NSD2: variants seen among roughly 807,000 people sequenced by gnomAD.
NSD2 encodes nuclear receptor binding SET domain protein 2.
Under a neutral mutation model 139.0 loss-of-function variants are expected in NSD2, and 12 were observed. The ratio of observed to expected loss-of-function variants is 0.09; its 90% CI spans 0.06 to 0.14. The LOEUF (loss-of-function observed/expected upper bound fraction) is 0.14, where lower values mean the gene tolerates loss of function less well. Among genes scored for constraint, NSD2 ranks in the 10% least tolerant of loss-of-function variants. The pLI, the probability that NSD2 is intolerant of heterozygous loss-of-function variation, is 1.00. For synonymous variants in NSD2, 669 were observed against 648.7 expected (o/e 1.03, Z -0.48); for missense variants, 1,155 against 1,745.0 (o/e 0.66, Z 6.02).
chr4:1,900,592 TTTTC>T (rs538588475), intron 1 of NSD2, 30 bp from the exon 2 acceptor site: 3 of 1,422,198 alleles, frequency 2.1e-6, no homozygotes, highest in Non-Finnish European at 2.8e-6. Flanking sequence ...TGTAATTGCT[TTTTC>T]TTTCTTTTTT....
rs1363225185 is a variant in NSD2, at chr4:1,951,932, T to A, written c.2014-176T>A. On this transcript the variant is annotated intron_variant, in intron 10 of 21. Coordinates refer to ENST00000508803, the MANE Select transcript of NSD2 (RefSeq NM_001042424.3). ...AACAGTCATCTGGTTTTAATCTGAT[T>A]CTGTATTTGTACGTTCTGTTTGGGC... The A allele has an allele frequency of 3.0e-6, 3 of 985,092 alleles. No individual in the cohort carries two copies. The African/African-American group carries it at 4.9e-5, about 16-fold the overall frequency. 61.0% of individuals were successfully genotyped at this position (985,092 alleles called of 1,614,324 possible). A position where few individuals can be genotyped will look rare whatever the true frequency, so the allele number is the denominator to read the frequency against.
chr4:1,872,631 A>AGAGAGAGAGC (rs984225040), intron 1 of NSD2, among the ~76,000 whole-genome samples: 6 of 133,312 alleles, frequency 4.5e-5, no homozygotes, highest in Non-Finnish European at 6.6e-5. Flanking sequence ...AGAGAGAGAG[A>AGAGAGAGAGC]GAGAGCGCGC....
intron 1 of NSD2, chr4:1,892,109 T>G (rs1338642131): frequency 6.6e-6 from 1 of 152,180 alleles, no homozygotes; most frequent in Non-Finnish European, 1.5e-5. Context: ...GCTGGAGAAC[T>G]TGGGTGGGAC....
intron 3 of NSD2, among the ~76,000 whole-genome samples, chr4:1,909,059 G>C (rs1161973722): frequency 6.6e-6 from 1 of 151,486 alleles, no homozygotes; most frequent in African/African-American, 2.4e-5. Flanking sequence ...ATGAAAATGA[G>C]CTCCTCCCTA....
At chr4:1,970,693 C>G (rs1234269855) in intron 18 of NSD2, among the ~76,000 whole-genome samples, 1 of 152,166 alleles carries the variant, frequency 6.6e-6, no homozygotes, top group Non-Finnish European at 1.5e-5. Context: ...GAAGATAATG[C>G]TACTGATGAG....
chr4:1,926,051 C>G (rs982013339), intron 5 of NSD2, among the ~76,000 whole-genome samples: 3 of 152,072 alleles, frequency 2.0e-5, no homozygotes, highest in Admixed American at 2.0e-4. Flanking sequence ...GATCCTCCTA[C>G]CTCAGCCTCC....
chr4:1,941,184 A>G, intron 9 of NSD2: 1 of 1,054,658 alleles, frequency 9.5e-7, no homozygotes, highest in Non-Finnish European at 1.1e-6. Flanking sequence ...TTAGAAAATT[A>G]AATGAAAGGT....
At chr4:1,953,115 A>G in intron 11 of NSD2, 2 of 1,526,592 alleles carry the variant, frequency 1.3e-6, no homozygotes, top group Middle Eastern at 1.7e-4. Context: ...GTGAAGCTGG[A>G]GCTCAGATCG....
intron 18 of NSD2, among the ~76,000 whole-genome samples, chr4:1,963,112 C>T (rs1174912842): frequency 6.6e-6 from 1 of 152,188 alleles, no homozygotes; most frequent in Non-Finnish European, 1.5e-5. Flanking sequence ...TCTTCAGCAA[C>T]ACCCTCATAG....
intron 1 of NSD2, among the ~76,000 whole-genome samples, chr4:1,883,088 A>G (rs554355310): frequency 9.9e-5 from 15 of 152,200 alleles, no homozygotes; most frequent in Admixed American, 9.8e-4. Context: ...TGTTTGGGAT[A>G]AGGAGAGATG....
chr4:1,963,971 C>T (rs935172347), intron 18 of NSD2, among the ~76,000 whole-genome samples: 3 of 152,150 alleles, frequency 2.0e-5, no homozygotes, highest in Non-Finnish European at 4.4e-5. Context: ...ATATTCCAGC[C>T]TGGGGGACGG....
intron 2 of NSD2, among the ~76,000 whole-genome samples, 178 bp downstream of exon 2, chr4:1,901,429 G>A (rs1717161998): frequency 6.6e-6 from 1 of 152,200 alleles, no homozygotes; most frequent in Admixed American, 6.5e-5. Flanking sequence ...GGATGCCCTG[G>A]CACTGCCTCC....
chr4:1,905,616 A>C (rs1315530848), intron 3 of NSD2, among the ~76,000 whole-genome samples: 1 of 152,206 alleles, frequency 6.6e-6, no homozygotes, highest in Non-Finnish European at 1.5e-5. Context: ...TGGGGTACAG[A>C]GGTGCCTCCC....
At chr4:1,902,528 A>G (rs1031952131) in intron 2 of NSD2, among the ~76,000 whole-genome samples, 11 of 152,072 alleles carry the variant, frequency 7.2e-5, no homozygotes, top group Non-Finnish European at 1.5e-4. Context: ...CCAGCCTACA[A>G]AGATTTTTTG....
At chr4:1,895,821 G>C (rs1446772222) in intron 1 of NSD2, among the ~76,000 whole-genome samples, 4 of 152,328 alleles carry the variant, frequency 2.6e-5, no homozygotes, top group East Asian at 3.9e-4. Flanking sequence ...TTAGGCGGAG[G>C]CTTGGGGTTC....
At chr4:1,932,480 CTCCCGCCTGTAA>C (rs1231561207) in intron 6 of NSD2, among the ~76,000 whole-genome samples, 1 of 151,178 alleles carries the variant, frequency 6.6e-6, no homozygotes, top group Non-Finnish European at 1.5e-5. Flanking sequence ...GGCGCAGTGG[CTCCCGCCTGTAA>C]TCCCAGCACT....
In NSD2 at chr4:1,974,739, C is replaced by T; in HGVS notation, c.3373-124C>T. ...GTGTCCTGTCTCAGTGGACACAGGACACCACGGTTTTCAGTACAACAAGGA... is the reference window on the plus strand; with the variant it reads ...GTGTCCTGTCTCAGTGGACACAGGATACCACGGTTTTCAGTACAACAAGGA... On this transcript the variant is annotated intron_variant, in intron 18 of 21. Transcript: ENST00000508803. The surrounding 1 kb of genome is among the most constrained non-coding windows in gnomAD (Gnocchi z 4.0). The T allele has an allele frequency of 5.8e-6, 8 of 1,383,282 alleles. No homozygotes were observed. Among genetic ancestry groups the T allele is most frequent in the Non-Finnish European group, 8.2e-6 (8 of 979,882 alleles). The allele number at this position is 1,383,282 out of a possible 1,614,324, so 85.7% of individuals were successfully genotyped here.
Position 1,958,071 on chromosome 4 carries a change from G to A in NSD2, c.2985+35G>A. 6.3e-7 allele frequency: 1 copy of A among 1,599,142 alleles called. No homozygotes were observed. The highest frequency in any genetic ancestry group is 1.3e-5 in the African/African-American group (1 of 74,602). ...GGGAGCTGCGTGCACGCGTGTGGAG[G>A]GAGTCTTCCCCGAGGGCCGTGAGAG... is the stretch of plus-strand genomic sequence containing the variant. On this transcript the variant is annotated intron_variant, in intron 16 of 21. Transcript: ENST00000508803. This position sits in a 1 kb window ranked among gnomAD's most constrained non-coding sequence, Gnocchi z 4.6.
At chr4:1,872,635 A>AGAGAGAGAGAGCGC (rs1179623184) in intron 1 of NSD2, among the ~76,000 whole-genome samples, 1 of 120,090 alleles carries the variant, frequency 8.3e-6, no homozygotes, top group Non-Finnish European at 1.8e-5. Flanking sequence ...AGAGAGAGAG[A>AGAGAGAGAGAGCGC]GCGCGCAGAC....
Sources: gnomAD v4.1 joint callset for allele counts (sites outside exome capture counted in the v4.1 genomes callset) on GRCh38, gnomAD v4.1.1 for gene constraint, Gnocchi (gnomAD v3.1) non-coding constraint, MANE v1.5 for transcripts, NCBI Gene and HGNC (gene_info 2026-07-23, HGNC 2026-07-21) for gene names.